The following GKN2 variants were observed in gnomAD, a reference collection of about 807,000 sequenced individuals.
The protein encoded by GKN2 is gastrokine-2.
GKN2 carries 17 observed loss-of-function variants against 22.7 expected under a neutral mutation model. The ratio of observed to expected loss-of-function variants is 0.75; its 90% CI spans 0.51 to 1.13. The LOEUF (loss-of-function observed/expected upper bound fraction) is 1.13, where lower values mean the gene tolerates loss of function less well. GKN2 is among the 50% of genes most tolerant of loss of function. The pLI is 0.00. For synonymous variants in GKN2, 82 were observed against 79.6 expected (o/e 1.03, Z -0.16); for missense variants, 248 against 221.4 (o/e 1.12, Z -0.76).
chr2:68,951,495 C>T (rs1157749358), intron 1 of GKN2, among the ~76,000 whole-genome samples: 5 of 152,206 alleles, frequency 3.3e-5, no homozygotes, highest in African/African-American at 9.7e-5. Context: ...ACTGTACTAT[C>T]GCTGAAAACT....
Position 68,947,249 on chromosome 2 carries a change from A to C in GKN2, c.213T>G (p.Ile71Met), listed in dbSNP as rs767309485. 2 of 1,610,164 alleles carry C rather than the reference A, an allele frequency of 1.2e-6. No homozygotes were observed. Among genetic ancestry groups the C allele is most frequent in the Admixed American group, 3.3e-5 (2 of 60,020 alleles). The change falls in exon 4 of 6, where the codon ATT (isoleucine) becomes ATG (methionine). Residue 71 changes from isoleucine to methionine, a missense_variant. Coordinates refer to ENST00000328895, the MANE Select transcript of GKN2 (RefSeq NM_182536.3). ...TTIFDYKHGYIASRVLSRRAC... is the reference protein window; with the variant it reads ...TTIFDYKHGYMASRVLSRRAC... ...CTCTTCGGGAGAGCACCCTGGATGC[A>C]ATGTAGCCCTGAGGCAGCAAGAGTA...
Position 68,950,701 on chromosome 2 carries a change from C to A in GKN2, c.66+1G>T, listed in dbSNP as rs998198895. 1.9e-6 allele frequency: 3 copies of A among 1,613,838 alleles called. No individual in the cohort carries two copies. In the South Asian group the frequency reaches 3.3e-5, roughly 18 times the overall value. ...ATAAAGTCCATAAGGAACCAACTCA[C>A]CTCGTATCCATGAGATTGTATCCCA... On this transcript the variant is annotated splice_donor_variant, in intron 2 of 5. Coordinates refer to ENST00000328895, the MANE Select transcript of GKN2 (RefSeq NM_182536.3). LOFTEE classifies it high-confidence loss of function.
chr2:68,946,854 A>G (rs1431174354), intron 4 of GKN2, among the ~76,000 whole-genome samples: 2 of 152,136 alleles, frequency 1.3e-5, no homozygotes, highest in Non-Finnish European at 2.9e-5. Flanking sequence ...ACCATTTCTC[A>G]TAGCCCTGCT....
chr2:68,945,913 G>C, intron 5 of GKN2: 2 of 264,028 alleles, frequency 7.6e-6, no homozygotes, highest in Non-Finnish European at 1.4e-5. Context: ...TCTAGATCCT[G>C]AGAGCATTTC....
chr2:68,945,520 T>C, intron 5 of GKN2, 70 bp from the exon 6 acceptor site: 2 of 1,148,532 alleles, frequency 1.7e-6, no homozygotes, highest in Non-Finnish European at 2.6e-6. Context: ...AGAATAATAA[T>C]ACATTAGCTT....
intron 3 of GKN2, among the ~76,000 whole-genome samples, chr2:68,947,652 G>A (rs1002719402): frequency 6.6e-6 from 1 of 152,016 alleles, no homozygotes; most frequent in African/African-American, 2.4e-5. Context: ...GTGCAGTGGT[G>A]CAACCTCAGC....
intron 4 of GKN2, 53 bp downstream of exon 4, chr2:68,947,094 C>T (rs1669781803): frequency 1.9e-6 from 2 of 1,037,022 alleles, no homozygotes; most frequent in Non-Finnish European, 3.1e-6. Flanking sequence ...TCCATAAATA[C>T]CAGTATTGCC....
intron 3 of GKN2, 32 bp from the exon 4 acceptor site, chr2:68,947,289 C>T: frequency 7.3e-7 from 1 of 1,362,930 alleles, no homozygotes. Context: ...TACTGTTCCT[C>T]CCTAGTTCCC....
At chr2:68,950,817 G>C (rs1376524047) in intron 1 of GKN2, 62 bp from the exon 2 acceptor site, 1 of 1,525,852 alleles carries the variant, frequency 6.6e-7, no homozygotes, top group Admixed American at 1.7e-5. Context: ...GGGACAGGAG[G>C]AAACACTGGA....
At position 68,945,411 on chromosome 2, in the gene GKN2, A is replaced by C. The variant is rs200379309; in HGVS notation, c.512T>G (p.Leu171Arg). Residue 171 changes from leucine (L) to arginine (R), a missense_variant, in exon 6 of 6, where the codon CTG becomes CGG. Coordinates refer to ENST00000328895, the MANE Select transcript of GKN2 (RefSeq NM_182536.3). ...ACAGATTGAAATTCCCAAGATGCCC[A>C]GGAGCCCAGCCTTTGCACAGCCTCC... ...GAGGCAKAGL[L>R]GILGISICAD... The C allele has an allele frequency of 6.2e-7, 1 of 1,611,926 alleles. No individual in the cohort carries two copies.
chr2:68,946,494 ATAAAT>A, intron 4 of GKN2, 34 bp from the exon 5 acceptor site: 2 of 1,517,048 alleles, frequency 1.3e-6, no homozygotes, highest in Non-Finnish European at 8.8e-7. Context: ...ACAACATAAA[ATAAAT>A]TGACAAAAAT....
At chr2:68,950,467 G>A (rs1231700723) in intron 2 of GKN2, among the ~76,000 whole-genome samples, 1 of 152,202 alleles carries the variant, frequency 6.6e-6, no homozygotes, top group Non-Finnish European at 1.5e-5. Flanking sequence ...TATGGGAGAA[G>A]CAGTGATATC....
In GKN2 at chr2:68,947,234, G is replaced by A. The variant is rs1268909545; in HGVS notation, c.228C>T (p.Leu76=). The change falls in exon 4 of 6, where the codon CTC becomes CTT. Residue 76 remains leucine, a synonymous_variant. Coordinates refer to ENST00000328895, the MANE Select transcript of GKN2 (RefSeq NM_182536.3). ...YKHGYIASRV[L]SRRACFILKM... ...TCAGGATAAAGCAGGCTCTTCGGGAGAGCACCCTGGATGCAATGTAGCCCT... is the reference window on the plus strand; with the variant it reads ...TCAGGATAAAGCAGGCTCTTCGGGAAAGCACCCTGGATGCAATGTAGCCCT... 1.9e-6 allele frequency: 3 copies of A among 1,613,328 alleles called. No individual in the cohort carries two copies. Among genetic ancestry groups the A allele is most frequent in the South Asian group, 2.2e-5 (2 of 91,072 alleles).
At chr2:68,948,257 A>AAAAAAAAAAAAAAAC (rs1558706587) in intron 3 of GKN2, among the ~76,000 whole-genome samples, 1 of 132,292 alleles carries the variant, frequency 7.6e-6, no homozygotes. Context: ...AAAAAAAAAC[A>AAAAAAAAAAAAAAAC]AAAAAAAAAA....
rs5831949 is a variant in GKN2 at position 68,948,257 on chromosome 2, A to C, written c.205-1000T>G. Among the ~76,000 whole-genome samples the C allele has an allele frequency of 4.0e-3, 526 of 132,260 alleles. 17 individuals are homozygous for C. Among genetic ancestry groups the C allele is most frequent in the African/African-American group, 0.014 (424 of 30,520 alleles). 86.8% of individuals were successfully genotyped at this position (132,260 alleles called of 152,430 possible). ...CGAGACTCCGTCAAAAAAAAAAAAC[A>C]AAAAAAAAAAACTGTGCTGTCCAAT... On this transcript the variant is annotated intron_variant, in intron 3 of 5. Coordinates refer to ENST00000328895, the MANE Select transcript of GKN2 (RefSeq NM_182536.3).
chr2:68,950,641 G>A, intron 2 of GKN2, 61 bp downstream of exon 2: 4 of 1,466,496 alleles, frequency 2.7e-6, no homozygotes, highest in Non-Finnish European at 2.9e-6. Context: ...AGGCTCTCTT[G>A]TACCTTCCCT....
In GKN2 at chr2:68,946,326, C is replaced by G. The variant is rs942126470; in HGVS notation, c.450G>C (p.Lys150Asn). The G allele has an allele frequency of 6.2e-7, 1 of 1,610,898 alleles. No individual in the cohort carries two copies. The highest frequency in any genetic ancestry group is 1.1e-5 in the South Asian group (1 of 90,116). Residue 150 changes from lysine (K) to asparagine (N), a missense_variant, in exon 5 of 6, where the codon AAG (lysine) becomes AAC (asparagine). By Grantham distance (94) the Lys-to-Asn change is moderately conservative. Transcript: ENST00000328895. ...CACGTGTGTTTTCAACCACTTCCCC[C>G]TTATACAAAGGGATATGTTTGCAGA... ...EKLCKHIPLY[K>N]GEVVENTHNV...
At chr2:68,949,400 A>G (rs1669820786) in intron 3 of GKN2, among the ~76,000 whole-genome samples, 3 of 151,540 alleles carry the variant, frequency 2.0e-5, no homozygotes, top group Admixed American at 2.0e-4. Context: ...TCTTTTTATT[A>G]TTTTATATTT....
Position 68,952,851 on chromosome 2 carries a change from A to G in GKN2, c.11T>C (p.Leu4Pro), listed in dbSNP as rs1226418552. ...CAAGAAGCAGAAACAAATACTCACA[A>G]GTATTTTCATTTTGCCTGGGAGAGG... The part of the protein sequence containing the change: MKI[L>P]VAFLVVLTIF... The change falls in exon 1 of 6, where the codon CTT becomes CCT. Residue 4 changes from leucine (L) to proline (P), a missense_variant and splice_region_variant. By Grantham distance (98) the Leu-to-Pro change is moderately conservative (BLOSUM62 -3). Transcript: ENST00000328895. The G allele has an allele frequency of 1.9e-6, 3 of 1,613,994 alleles. No individual in the cohort carries two copies. The highest frequency in any genetic ancestry group is 1.7e-5 in the Admixed American group (1 of 60,008).
Sources: gnomAD v4.1 joint callset for allele counts (sites outside exome capture counted in the v4.1 genomes callset) on GRCh38, gnomAD v4.1.1 for gene constraint, MANE v1.5 for transcripts, NCBI Gene and HGNC (gene_info 2026-07-23, HGNC 2026-07-21) for gene names.